RNF111: variants seen among roughly 807,000 people sequenced by gnomAD.
The protein encoded by RNF111 is E3 ubiquitin-protein ligase Arkadia.
A neutral mutation model predicts 95.1 loss-of-function variants in RNF111; 17 were observed. The ratio of observed to expected loss-of-function variants is 0.18; its 90% CI spans 0.12 to 0.27. The LOEUF (loss-of-function observed/expected upper bound fraction) is 0.27, where lower values mean the gene tolerates loss of function less well. RNF111 is among the 10% of genes least tolerant of loss of function. The probability of loss-of-function intolerance (pLI) is 1.00; values close to 1 mark genes in which losing one functional copy is unlikely to be tolerated. For missense variants in RNF111, 1,189 were observed against 1,210.4 expected, an observed-to-expected ratio of 0.98 and a Z score of 0.26; for synonymous variants, 440 against 414.8, an observed-to-expected ratio of 1.06 and a Z score of -0.74.
At chr15:58,994,296 C>T (rs1490819498) in intron 1 of RNF111, among the ~76,000 whole-genome samples, 2 of 151,678 alleles carry the variant, frequency 1.3e-5, no homozygotes, top group African/African-American at 4.8e-5. Context: ...GCCTTGGCCT[C>T]CCAAAGTGCT....
At chr15:59,028,696 G>GT (rs368794426) in intron 1 of RNF111, among the ~76,000 whole-genome samples, 6 of 151,692 alleles carry the variant, frequency 4.0e-5, no homozygotes, top group East Asian at 1.9e-4. Flanking sequence ...CTGTTTATAA[G>GT]TTTTTTTATG....
chr15:59,032,370 G>T (rs1456905119), intron 2 of RNF111, among the ~76,000 whole-genome samples: 8 of 152,068 alleles, frequency 5.3e-5, no homozygotes. Context: ...CTGTATGATG[G>T]ATTCAGCCAT....
intron 6 of RNF111, among the ~76,000 whole-genome samples, chr15:59,067,988 C>G (rs2042739836): frequency 6.6e-6 from 1 of 152,138 alleles, no homozygotes. Flanking sequence ...CGCAAAATGT[C>G]AACTAGTATT....
intron 6 of RNF111, among the ~76,000 whole-genome samples, chr15:59,069,068 C>T (rs1313474509): frequency 5.7e-5 from 7 of 122,504 alleles, no homozygotes; most frequent in Admixed American, 9.0e-5. Flanking sequence ...AACAAGACTC[C>T]GTCTCAAAAA....
At chr15:58,996,104 A>G (rs1240490045) in intron 1 of RNF111, among the ~76,000 whole-genome samples, 1 of 152,006 alleles carries the variant, frequency 6.6e-6, no homozygotes, top group East Asian at 1.9e-4. Context: ...CAAATACATA[A>G]TGAGTTATGT....
At chr15:59,087,539 G>T (rs1298116401) in intron 10 of RNF111, among the ~76,000 whole-genome samples, 1 of 152,052 alleles carries the variant, frequency 6.6e-6, no homozygotes, top group South Asian at 2.1e-4. Context: ...ATAAGTACGT[G>T]ATAATGATAG....
chr15:58,994,033 A>ATTTTTTT (rs371453519), intron 1 of RNF111, among the ~76,000 whole-genome samples: 2 of 103,132 alleles, frequency 1.9e-5, no homozygotes, highest in Non-Finnish European at 1.9e-5. Flanking sequence ...TGTTACTTAA[A>ATTTTTTT]TTTTTTTTTT....
At chr15:59,084,035 A>C (rs1451003660) in intron 8 of RNF111, 94 bp from the exon 9 acceptor site, 14 of 1,025,362 alleles carry the variant, frequency 1.4e-5, no homozygotes, top group Non-Finnish European at 1.8e-5. Context: ...AGATGTTTAT[A>C]GTATTAATAC....
intron 1 of RNF111, among the ~76,000 whole-genome samples, chr15:59,024,079 G>A (rs1177617440): frequency 2.0e-5 from 3 of 152,066 alleles, no homozygotes; most frequent in South Asian, 2.1e-4. Context: ...ATTATCCCCA[G>A]TTATATGGTA....
chr15:59,094,738 TATC>T (rs754280706), intron 13 of RNF111, 42 bp from the exon 14 acceptor site: 5 of 1,064,822 alleles, frequency 4.7e-6, no homozygotes, highest in East Asian at 4.7e-5. Flanking sequence ...TACGTACAAT[TATC>T]ATAAAATTAA....
intron 2 of RNF111, among the ~76,000 whole-genome samples, chr15:59,046,671 G>T (rs1039891008): frequency 4.6e-5 from 7 of 152,136 alleles, no homozygotes; most frequent in African/African-American, 1.7e-4. Flanking sequence ...GTTAGACAAA[G>T]GTTTCTTAAA....
At chr15:59,046,023 A>C (rs1299074535) in intron 2 of RNF111, among the ~76,000 whole-genome samples, 1 of 152,220 alleles carries the variant, frequency 6.6e-6, no homozygotes, top group African/African-American at 2.4e-5. Flanking sequence ...TTCACATCTC[A>C]TAACTCCTAA....
chr15:59,036,275 C>G (rs2041173491), intron 2 of RNF111, among the ~76,000 whole-genome samples: 1 of 152,068 alleles, frequency 6.6e-6, no homozygotes, highest in Non-Finnish European at 1.5e-5. Flanking sequence ...CCGGGCTGGT[C>G]TCAAACTCCT....
At chr15:59,045,547 G>A (rs1423083222) in intron 2 of RNF111, among the ~76,000 whole-genome samples, 1 of 152,098 alleles carries the variant, frequency 6.6e-6, no homozygotes, top group South Asian at 2.1e-4. Context: ...CAGATAAATG[G>A]AGAAAAATCA....
intron 9 of RNF111, 87 bp from the exon 10 acceptor site, chr15:59,085,572 C>A (rs1358880902): frequency 8.4e-7 from 1 of 1,195,238 alleles, no homozygotes; most frequent in Non-Finnish European, 1.1e-6. Flanking sequence ...CCTTAGATTA[C>A]TTTTTTAAGT....
In RNF111 at chr15:59,058,385, A is replaced by G. The variant is rs1311690203; in HGVS notation, c.1201A>G (p.Arg401Gly). Residue 401 changes from arginine to glycine, a missense_variant, in exon 5 of 14, where the codon AGA becomes GGA. By Grantham distance (125) the Arg-to-Gly change is moderately radical (BLOSUM62 -2). Transcript: ENST00000348370. ...TACTGTAGTACCAACCACTTCTGCA[A>G]GAATGGAATCACAAGCTACTAGCGC... ...EPTVVPTTSA[R>G]MESQATSASI... is the part of the protein sequence containing the mutation. The G allele has an allele frequency of 6.8e-6, 11 of 1,614,016 alleles. No individual in the cohort carries two copies. Among genetic ancestry groups the G allele is most frequent in the Non-Finnish European group, 9.3e-6 (11 of 1,179,992 alleles).
intron 1 of RNF111, among the ~76,000 whole-genome samples, chr15:59,009,237 G>A (rs2039679351): frequency 6.6e-6 from 1 of 152,122 alleles, no homozygotes; most frequent in Non-Finnish European, 1.5e-5. Context: ...GGGATTACAG[G>A]CGTGAGCCAC....
intron 1 of RNF111, among the ~76,000 whole-genome samples, chr15:59,006,162 A>T (rs2039531604): frequency 6.6e-6 from 1 of 152,240 alleles, no homozygotes; most frequent in Non-Finnish European, 1.5e-5. Context: ...TGTGTATTCC[A>T]GATTTTATAT....
Position 59,013,844 on chromosome 15 carries a change from AGTG to A in RNF111, c.-19-16956_-19-16954del, listed in dbSNP as rs374198853. ...CACTCTGTTGCCCAGGCTGGAGTAT[AGTG>A]GTGCTTTCTTGGCTCACTGCAACCT... On this transcript the variant is annotated intron_variant, in intron 1 of 13. Coordinates refer to ENST00000348370, the MANE Select transcript of RNF111 (RefSeq NM_017610.8). Among the ~76,000 whole-genome samples the A allele has an allele frequency of 4.5e-3, 690 of 152,050 alleles. 5 individuals are homozygous for A. Among genetic ancestry groups the A allele is most frequent in the Middle Eastern group, 0.041 (12 of 294 alleles).
Sources: allele counts gnomAD v4.1 joint callset (sites outside exome capture counted in the v4.1 genomes callset), GRCh38; gene constraint gnomAD v4.1.1; transcripts MANE v1.5; gene names NCBI Gene and HGNC (gene_info 2026-07-23, HGNC 2026-07-21).